PDE4D: variants seen among roughly 807,000 people sequenced by gnomAD.
The protein encoded by PDE4D is 3',5'-cyclic-AMP phosphodiesterase 4D.
In PDE4D, 24 loss-of-function variants were observed where a neutral mutation model predicts 87.4. The observed-to-expected ratio is 0.27, with a 90% CI of 0.20 to 0.39. The LOEUF is 0.39. Among genes scored for constraint, PDE4D ranks in the 10% least tolerant of loss-of-function variants. The pLI, the probability that PDE4D is intolerant of heterozygous loss-of-function variation, is 1.00. For synonymous variants in PDE4D, 384 were observed against 383.2 expected, an observed-to-expected ratio of 1.00 and a Z score of -0.02; for missense variants, 714 against 1,041.0, an observed-to-expected ratio of 0.69 and a Z score of 4.32.
chr5:59,468,678 T>C (rs1221524849), intron 1 of PDE4D, among the ~76,000 whole-genome samples: 4 of 152,198 alleles, frequency 2.6e-5, no homozygotes, highest in Admixed American at 1.3e-4. Flanking sequence ...AGTTTTGATT[T>C]TCTTTTATTT....
At chr5:59,088,613 T>C (rs1401772417) in intron 5 of PDE4D, among the ~76,000 whole-genome samples, 2 of 152,104 alleles carry the variant, frequency 1.3e-5, no homozygotes, top group African/African-American at 2.4e-5. Context: ...TGGAATACTA[T>C]GAAGCCATAA....
intron 1 of PDE4D, among the ~76,000 whole-genome samples, chr5:60,368,455 T>C (rs955578000): frequency 1.3e-5 from 2 of 152,220 alleles, no homozygotes; most frequent in Admixed American, 6.5e-5. Flanking sequence ...TTTCTCCCTC[T>C]GGCCACATTT....
At chr5:59,893,867 C>G (rs892854665), upstream of PDE4D, 1 of 1,273,726 alleles carries the variant, frequency 7.9e-7, no homozygotes, top group African/African-American at 1.6e-5. Context: ...GACACGCTCC[C>G]GGGCTCCCCA....
At chr5:59,406,394 TTCCCCCCCC>T (rs1562125034) in intron 1 of PDE4D, among the ~76,000 whole-genome samples, 3 of 18,694 alleles carry the variant, frequency 1.6e-4, no homozygotes, top group Admixed American at 1.8e-3. Flanking sequence ...TTATCTTTCC[TTCCCCCCCC>T]CCCCCCCCAT....
chr5:59,875,841 T>C (rs1748518556), intron 1 of PDE4D, among the ~76,000 whole-genome samples: 1 of 152,100 alleles, frequency 6.6e-6, no homozygotes, highest in Admixed American at 6.5e-5. Context: ...CCATTATCCT[T>C]AGCAAATTAA....
chr5:59,867,783 G>T (rs1437884636), intron 1 of PDE4D, among the ~76,000 whole-genome samples: 6 of 152,130 alleles, frequency 3.9e-5, no homozygotes, highest in African/African-American at 1.4e-4. Context: ...GCAGAGTTAG[G>T]AATCAATCTC....
At chr5:60,469,867 C>A (rs141370417) in intron 1 of PDE4D, among the ~76,000 whole-genome samples, 2 of 152,132 alleles carry the variant, frequency 1.3e-5, no homozygotes, top group African/African-American at 4.8e-5. Flanking sequence ...CCCTGAGACA[C>A]AACAATATTA....
chr5:59,148,062 T>C (rs1425811215), intron 5 of PDE4D, among the ~76,000 whole-genome samples: 1 of 152,096 alleles, frequency 6.6e-6, no homozygotes, highest in Non-Finnish European at 1.5e-5. Context: ...TTTTTCTTAA[T>C]AGAGAAATGA....
chr5:59,676,698 G>T (rs764719167), intron 1 of PDE4D, among the ~76,000 whole-genome samples: 4 of 152,100 alleles, frequency 2.6e-5, no homozygotes, highest in Admixed American at 6.5e-5. Context: ...ATAATTGTAC[G>T]TAGGGATGTT....
At chr5:59,920,255 C>T (rs989257957) in intron 3 of PDE4D, among the ~76,000 whole-genome samples, 23 of 152,054 alleles carry the variant, frequency 1.5e-4, no homozygotes, top group African/African-American at 5.3e-4. Flanking sequence ...ATAAGAATAC[C>T]GAAATTATTA....
At chr5:60,120,563 A>G (rs1778581622) in intron 2 of PDE4D, among the ~76,000 whole-genome samples, 1 of 152,196 alleles carries the variant, frequency 6.6e-6, no homozygotes, top group South Asian at 2.1e-4. Context: ...AGAACCCTGC[A>G]GAACTTCACT....
At chr5:59,100,428 G>A (rs1257079097) in intron 5 of PDE4D, among the ~76,000 whole-genome samples, 4 of 151,622 alleles carry the variant, frequency 2.6e-5, no homozygotes, top group Middle Eastern at 3.4e-3. Flanking sequence ...TGGTCTCCAA[G>A]GTATATGTCA....
chr5:59,168,549 AG>A (rs552296315), intron 5 of PDE4D, among the ~76,000 whole-genome samples: 4 of 152,310 alleles, frequency 2.6e-5, no homozygotes, highest in South Asian at 2.1e-4. Flanking sequence ...GAGAGTTTTT[AG>A]GGTTTCCCAA....
chr5:59,557,741 T>G (rs1197036002), intron 1 of PDE4D, among the ~76,000 whole-genome samples: 1 of 152,100 alleles, frequency 6.6e-6, no homozygotes, highest in Non-Finnish European at 1.5e-5. Flanking sequence ...AATGTGGAAA[T>G]ACAGAAAATA....
intron 5 of PDE4D, among the ~76,000 whole-genome samples, chr5:59,161,076 C>T (rs558297306): frequency 1.2e-3 from 189 of 152,276 alleles, no homozygotes; most frequent in African/African-American, 4.5e-3. Context: ...GCCTGGGCAA[C>T]AGAGAGAGAC....
At chr5:60,323,431 G>T (rs1373607831) in intron 1 of PDE4D, among the ~76,000 whole-genome samples, 1 of 151,986 alleles carries the variant, frequency 6.6e-6, no homozygotes, top group African/African-American at 2.4e-5. Context: ...ATCTATCACT[G>T]ATTTCTTCCC....
chr5:59,250,492 C>T (rs1242888970), intron 1 of PDE4D, among the ~76,000 whole-genome samples: 8 of 124,100 alleles, frequency 6.4e-5, no homozygotes, highest in Non-Finnish European at 1.2e-4. Context: ...GATCCTGCCT[C>T]GAAAAAAAAA....
At chr5:59,241,277 A>G (rs1408978941) in intron 1 of PDE4D, among the ~76,000 whole-genome samples, 1 of 152,210 alleles carries the variant, frequency 6.6e-6, no homozygotes, top group African/African-American at 2.4e-5. Context: ...GCCCTGAGCA[A>G]GTAGGACAAT....
intron 5 of PDE4D, among the ~76,000 whole-genome samples, chr5:59,142,658 T>G (rs1255322312): frequency 2.0e-5 from 3 of 152,228 alleles, no homozygotes; most frequent in African/African-American, 2.4e-5. Context: ...TGAAATGGGC[T>G]GGTCACAGTG....
Sources: allele counts gnomAD v4.1 joint callset (sites outside exome capture counted in the v4.1 genomes callset), GRCh38; gene constraint gnomAD v4.1.1; transcripts MANE v1.5; gene names NCBI Gene and HGNC (gene_info 2026-07-23, HGNC 2026-07-21).